The following PLCG2 variants were observed in gnomAD, a reference collection of about 807,000 sequenced individuals.
PLCG2 encodes the protein phospholipase C gamma 2.
In PLCG2, 69 loss-of-function variants were observed where a neutral mutation model predicts 175.6. That is an observed-to-expected ratio of 0.39 (90% confidence interval 0.32 to 0.48). PLCG2 has a LOEUF of 0.48. PLCG2 is among the 20% of genes least tolerant of loss of function. The pLI, the probability that PLCG2 is intolerant of heterozygous loss-of-function variation, is 0.91. For missense variants in PLCG2, 1,798 were observed against 1,650.9 expected, an observed-to-expected ratio of 1.09 and a Z score of -1.54; for synonymous variants, 827 against 624.0, an observed-to-expected ratio of 1.33 and a Z score of -4.85.
chr16:81,895,639 C>A, intron 12 of PLCG2, 168 bp from the exon 13 acceptor site: 1 of 654,312 alleles, frequency 1.5e-6, no homozygotes, highest in Non-Finnish European at 2.6e-6. Context: ...TGTAAGCGCA[C>A]AGGGAACCCT....
intron 2 of PLCG2, among the ~76,000 whole-genome samples, chr16:81,826,328 C>T (rs1000206873): frequency 1.3e-5 from 2 of 152,160 alleles, no homozygotes; most frequent in Non-Finnish European, 2.9e-5. Context: ...CCGAGAAAAG[C>T]ATCAAGTATG....
In PLCG2 at chr16:81,905,547, C is replaced by G. The variant is rs550510703; in HGVS notation, c.1467+40C>G. 3.9e-4 allele frequency: 509 copies of G among 1,302,068 alleles called. 1 individual carries two copies. The highest frequency in any genetic ancestry group is 3.8e-4 in the Non-Finnish European group (343 of 898,130). 80.7% of individuals were successfully genotyped at this position (1,302,068 alleles called of 1,614,324 possible). A position where few individuals can be genotyped will look rare whatever the true frequency, so the allele number is the denominator to read the frequency against. On this transcript the variant is annotated intron_variant, in intron 15 of 32. Transcript: ENST00000564138. ...CTTCCCGTAGCCACTGCGGCCACGCCCCTTGCAGCTGCTTCTTGGAGCCCT... is the reference window on the plus strand; with the variant it reads ...CTTCCCGTAGCCACTGCGGCCACGCGCCTTGCAGCTGCTTCTTGGAGCCCT...
intron 2 of PLCG2, among the ~76,000 whole-genome samples, chr16:81,843,722 A>C (rs1597350011): frequency 6.6e-6 from 1 of 152,240 alleles, no homozygotes; most frequent in African/African-American, 2.4e-5. Context: ...GTAATGGAAA[A>C]AACAATGAAA....
At chr16:81,815,186 G>A (rs1904489097) in intron 2 of PLCG2, among the ~76,000 whole-genome samples, 1 of 152,164 alleles carries the variant, frequency 6.6e-6, no homozygotes, top group South Asian at 2.1e-4. Context: ...CATGCAGAGG[G>A]TGGTTATGCG....
At chr16:81,892,324 T>C (rs1908675550) in intron 11 of PLCG2, among the ~76,000 whole-genome samples, 1 of 152,118 alleles carries the variant, frequency 6.6e-6, no homozygotes, top group Admixed American at 6.5e-5. Flanking sequence ...GCTCTTGGGA[T>C]GGTTACTCTG....
At chr16:81,865,242 G>T (rs1907170746) in intron 5 of PLCG2, among the ~76,000 whole-genome samples, 1 of 152,172 alleles carries the variant, frequency 6.6e-6, no homozygotes, top group African/African-American at 2.4e-5. Context: ...GGCACTCTCT[G>T]TAGGGGATGG....
intron 31 of PLCG2, among the ~76,000 whole-genome samples, chr16:81,951,650 A>C (rs1398668595): frequency 6.6e-6 from 1 of 152,234 alleles, no homozygotes; most frequent in Non-Finnish European, 1.5e-5. Flanking sequence ...GCCGTAGACC[A>C]ATGTCATGTG....
At chr16:81,802,928 T>G (rs1442600647) in intron 2 of PLCG2, among the ~76,000 whole-genome samples, 1 of 152,156 alleles carries the variant, frequency 6.6e-6, no homozygotes, top group Non-Finnish European at 1.5e-5. Context: ...TTTAGTATAT[T>G]CAGAGTTGTA....
At chr16:81,942,297 C>T (rs752932036) in intron 30 of PLCG2, among the ~76,000 whole-genome samples, 6 of 152,184 alleles carry the variant, frequency 3.9e-5, no homozygotes, top group Non-Finnish European at 8.8e-5. Flanking sequence ...AATTCATCTG[C>T]AGAATGCAAT....
At chr16:81,938,940 T>C (rs1313637253) in intron 29 of PLCG2, 25 bp downstream of exon 29, 1 of 1,385,138 alleles carries the variant, frequency 7.2e-7, no homozygotes, top group Non-Finnish European at 1.0e-6. Context: ...TTGGCCCCTC[T>C]GCTTTTAAAC....
intron 8 of PLCG2, among the ~76,000 whole-genome samples, chr16:81,881,524 C>T (rs936074190): frequency 1.3e-4 from 20 of 152,194 alleles, no homozygotes; most frequent in African/African-American, 4.8e-4. Context: ...AATGTTGGCC[C>T]TGGAGTTAAT....
chr16:81,804,522 A>G (rs1033717491), intron 2 of PLCG2, among the ~76,000 whole-genome samples: 1 of 152,222 alleles, frequency 6.6e-6, no homozygotes, highest in South Asian at 2.1e-4. Flanking sequence ...GCTTGAGTCA[A>G]GAATCATACA....
At chr16:81,748,785 G>A (rs1316014871) in intron 1 of PLCG2, among the ~76,000 whole-genome samples, 1 of 152,212 alleles carries the variant, frequency 6.6e-6, no homozygotes, top group Non-Finnish European at 1.5e-5. Flanking sequence ...TTTCATATCT[G>A]TTTCCACATC....
intron 10 of PLCG2, 24 bp downstream of exon 10, chr16:81,889,297 G>A (rs775607772): frequency 5.2e-5 from 68 of 1,306,344 alleles, no homozygotes; most frequent in South Asian, 7.5e-5. Flanking sequence ...GCTTGTTGTC[G>A]CTTGGGGGTG....
chr16:81,852,393 C>G (rs1238203131), intron 2 of PLCG2, among the ~76,000 whole-genome samples: 1 of 152,044 alleles, frequency 6.6e-6, no homozygotes, highest in Non-Finnish European at 1.5e-5. Flanking sequence ...GGTGAATCAG[C>G]TCTATCTAAA....
At chr16:81,909,850 TTA>T (rs1382930972) in intron 17 of PLCG2, among the ~76,000 whole-genome samples, 1 of 152,126 alleles carries the variant, frequency 6.6e-6, no homozygotes, top group Non-Finnish European at 1.5e-5. Context: ...GTGGATACTG[TTA>T]TCATTCCTGT....
chr16:81,820,869 C>T (rs1008474966), intron 2 of PLCG2, among the ~76,000 whole-genome samples: 2 of 151,500 alleles, frequency 1.3e-5, no homozygotes, highest in South Asian at 4.2e-4. Flanking sequence ...GATCCGCCCA[C>T]CTCAGCCTCC....
At chr16:81,796,262 A>C (rs1275632364) in intron 2 of PLCG2, among the ~76,000 whole-genome samples, 1 of 152,198 alleles carries the variant, frequency 6.6e-6, no homozygotes, top group Non-Finnish European at 1.5e-5. Context: ...CCCAGCACAG[A>C]CTGTCTCCAA....
At chr16:81,841,500 C>T (rs899391519) in intron 2 of PLCG2, among the ~76,000 whole-genome samples, 6 of 152,232 alleles carry the variant, frequency 3.9e-5, no homozygotes, top group African/African-American at 1.2e-4. Context: ...TTCGGCCTCC[C>T]AAGGTGCTGG....
Sources: gnomAD v4.1 joint callset for allele counts (sites outside exome capture counted in the v4.1 genomes callset) on GRCh38, gnomAD v4.1.1 for gene constraint, MANE v1.5 for transcripts, NCBI Gene and HGNC (gene_info 2026-07-23, HGNC 2026-07-21) for gene names.